GAB1: variants seen among roughly 807,000 people sequenced by gnomAD.
The protein encoded by GAB1 is GRB2 associated binding protein 1.
Under a neutral mutation model 66.5 loss-of-function variants are expected in GAB1, and 19 were observed. That is an observed-to-expected ratio of 0.29 (90% CI 0.20 to 0.42). The LOEUF (loss-of-function observed/expected upper bound fraction) is 0.42. Among genes scored for constraint, GAB1 ranks in the 10% least tolerant of loss-of-function variants. The pLI, the probability that GAB1 is intolerant of heterozygous loss-of-function variation, is 1.00. For synonymous variants in GAB1, 294 were observed against 301.4 expected (o/e 0.98, Z 0.25); for missense variants, 732 against 858.5 (o/e 0.85, Z 1.84).
At chr4:143,431,479 G>A (rs1230758515) in intron 2 of GAB1, among the ~76,000 whole-genome samples, 1 of 152,124 alleles carries the variant, frequency 6.6e-6, no homozygotes, top group African/African-American at 2.4e-5. Flanking sequence ...TAATTAAGCT[G>A]AGTGCTCTTT....
At chr4:143,375,630 T>C (rs1272681135) in intron 1 of GAB1, among the ~76,000 whole-genome samples, 1 of 152,216 alleles carries the variant, frequency 6.6e-6, no homozygotes, top group Non-Finnish European at 1.5e-5. Flanking sequence ...AAAAGTCTCT[T>C]CAGCTACCTG....
At chr4:143,398,853 A>G (rs1731595072) in intron 1 of GAB1, among the ~76,000 whole-genome samples, 1 of 152,154 alleles carries the variant, frequency 6.6e-6, no homozygotes, top group Admixed American at 6.5e-5. Context: ...TGAGCTCAGG[A>G]GTTCGAGACC....
intron 1 of GAB1, among the ~76,000 whole-genome samples, chr4:143,396,835 G>A (rs1374240771): frequency 7.2e-5 from 11 of 152,170 alleles, no homozygotes; most frequent in Non-Finnish European, 1.6e-4. Flanking sequence ...CTGAGGCAGT[G>A]GAAGAGTGGC....
chr4:143,432,532 A>G (rs1188389698), intron 2 of GAB1, among the ~76,000 whole-genome samples: 1 of 152,208 alleles, frequency 6.6e-6, no homozygotes, highest in East Asian at 1.9e-4. Context: ...CAGATTGAAT[A>G]CAAGGCCACC....
rs34098103 is a variant in GAB1, at chr4:143,350,678, CAAAAAAAA to C, written c.72+13431_72+13438del. On this transcript the variant is annotated intron_variant, in intron 1 of 9. Transcript: ENST00000262994. ...GGGCAACAAGCGTGAAACTCCGTCT[CAAAAAAAA>C]AAAAAAAAAAAAGAAAGACTTTGTA... 3.4e-5 allele frequency among the ~76,000 whole-genome samples: 3 copies of C among 88,516 alleles called. No individual in the cohort carries two copies. In the South Asian group the frequency reaches 1.1e-3, roughly 34 times the overall value. 58.1% of individuals were successfully genotyped at this position (88,516 alleles called of 152,430 possible). A position where few individuals can be genotyped will look rare whatever the true frequency, so the allele number is the denominator to read the frequency against.
intron 2 of GAB1, among the ~76,000 whole-genome samples, chr4:143,426,435 C>A (rs1470250578): frequency 6.6e-6 from 1 of 152,036 alleles, no homozygotes; most frequent in Non-Finnish European, 1.5e-5. Flanking sequence ...CCTGTAGCCC[C>A]AGCTACGTAG....
intron 1 of GAB1, among the ~76,000 whole-genome samples, chr4:143,398,592 G>A (rs1397528): frequency 0.32 from 48,749 of 151,676 alleles, 8,264 homozygotes; most frequent in South Asian, 0.47. Flanking sequence ...GTTTTTTTCA[G>A]TGTGTGTCAT....
rs1328789489 is a variant in GAB1, at chr4:143,470,671, T to C, written c.*1482T>C. 2.6e-5 allele frequency: 4 copies of C among 152,216 alleles called. No homozygotes were observed. The highest frequency in any genetic ancestry group is 5.9e-5 in the Non-Finnish European group (4 of 68,030). The allele number at this position is 152,216 out of a possible 1,614,324, so 9.4% of individuals were successfully genotyped here. ...ATCTCATGTACTGATTTGAGACTTA[T>C]AACAATTTTTGGAGGGGGCATAGAG... On this transcript the variant is annotated 3_prime_UTR_variant, in exon 10 of 10. Transcript: ENST00000262994.
At chr4:143,451,987 G>A (rs765656151) in intron 6 of GAB1, among the ~76,000 whole-genome samples, 1 of 152,108 alleles carries the variant, frequency 6.6e-6, no homozygotes, top group Non-Finnish European at 1.5e-5. Context: ...AGAGCACCCC[G>A]CTCTTTGCTG....
intron 1 of GAB1, chr4:143,349,438 G>C: frequency 8.4e-7 from 1 of 1,188,722 alleles, no homozygotes; most frequent in Admixed American, 1.7e-5. Context: ...GGCATCAAAG[G>C]TGGCCTTGGC....
At chr4:143,368,065 A>G (rs930011075) in intron 1 of GAB1, among the ~76,000 whole-genome samples, 8 of 151,610 alleles carry the variant, frequency 5.3e-5, no homozygotes, top group Admixed American at 1.3e-4. Flanking sequence ...TCCACAGAGC[A>G]CTCTTCTCAG....
intron 1 of GAB1, among the ~76,000 whole-genome samples, chr4:143,413,633 T>A (rs1471952211): frequency 6.6e-6 from 1 of 152,294 alleles, no homozygotes; most frequent in Non-Finnish European, 1.5e-5. Context: ...ACATTTTGCC[T>A]GGGTTGCTGT....
intron 1 of GAB1, 90 bp downstream of exon 1, chr4:143,337,350 G>A: frequency 8.9e-7 from 1 of 1,118,082 alleles, no homozygotes; most frequent in Non-Finnish European, 1.3e-6. Flanking sequence ...GGCCGCGCGC[G>A]GGGCTGGTTC....
At position 143,439,033 on chromosome 4, in the gene GAB1, A is replaced by G. The variant is rs1323545300; in HGVS notation, c.1195+433A>G. Among the ~76,000 whole-genome samples, 6 of 152,140 alleles carry G rather than the reference A, an allele frequency of 3.9e-5. No homozygotes were observed. The East Asian group carries it at 1.2e-3, about 29-fold the overall frequency. Reference sequence around the variant, plus strand: ...CTTCCTTCCTATATAAGCAGTTTTTATGTTGTGTCTAACAGGTGATATTCT... The same window carrying G: ...CTTCCTTCCTATATAAGCAGTTTTTGTGTTGTGTCTAACAGGTGATATTCT... On this transcript the variant is annotated intron_variant, in intron 4 of 9. Transcript: ENST00000262994.
chr4:143,366,478 A>G (rs1729884907), intron 1 of GAB1, among the ~76,000 whole-genome samples: 1 of 152,234 alleles, frequency 6.6e-6, no homozygotes, highest in Non-Finnish European at 1.5e-5. Flanking sequence ...TTAAAAGTTT[A>G]TTCCATAAGG....
chr4:143,463,767 C>T (rs1393868346), intron 8 of GAB1, among the ~76,000 whole-genome samples: 2 of 152,038 alleles, frequency 1.3e-5, no homozygotes, highest in Non-Finnish European at 2.9e-5. Context: ...CAGGCTGTTC[C>T]AGTGGAGATT....
intron 6 of GAB1, among the ~76,000 whole-genome samples, chr4:143,457,406 A>G (rs1735249232): frequency 6.6e-6 from 1 of 152,154 alleles, no homozygotes; most frequent in Non-Finnish European, 1.5e-5. Flanking sequence ...ACAACTAACC[A>G]GGCTGGTTAT....
intron 2 of GAB1, among the ~76,000 whole-genome samples, chr4:143,432,884 C>T (rs375779994): frequency 7.7e-4 from 117 of 152,194 alleles, no homozygotes; most frequent in South Asian, 2.3e-3. Context: ...TACAAAAATC[C>T]ACTAAATGGC....
chr4:143,443,077 C>T (rs950011742), intron 6 of GAB1, among the ~76,000 whole-genome samples: 3 of 142,440 alleles, frequency 2.1e-5, no homozygotes, highest in Non-Finnish European at 3.0e-5. Flanking sequence ...AGTGCAGTGG[C>T]GCGATCTCGG....
Sources: gnomAD v4.1 joint callset for allele counts (sites outside exome capture counted in the v4.1 genomes callset) on GRCh38, gnomAD v4.1.1 for gene constraint, MANE v1.5 for transcripts, NCBI Gene and HGNC (gene_info 2026-07-23, HGNC 2026-07-21) for gene names.